Variants in IFNA2 observed in about 807,000 individuals in gnomAD.
The protein encoded by IFNA2 is interferon alpha 2.
For missense variants in IFNA2, 260 were observed against 210.3 expected, an observed-to-expected ratio of 1.24 and a Z score of -1.46; for synonymous variants, 91 against 80.7, an observed-to-expected ratio of 1.13 and a Z score of -0.68.
rs1448556226 is a variant in IFNA2, at chr9:21,384,718, C to T, written c.*45G>A. The T allele has an allele frequency of 6.6e-6, 10 of 1,510,890 alleles. No homozygotes were observed. The highest frequency in any genetic ancestry group is 4.5e-5 in the East Asian group (2 of 44,100). 93.6% of individuals were successfully genotyped at this position (1,510,890 alleles called of 1,614,324 possible). A position where few individuals can be genotyped will look rare whatever the true frequency, so the allele number is the denominator to read the frequency against. On this transcript the variant is annotated 3_prime_UTR_variant, in exon 1 of 1. Transcript: ENST00000380206. ...AAATGGCAGATCATAAAAAGGTGAGCTGGCATACGAATCAATGAAAATCAT... is the reference window on the plus strand; with the variant it reads ...AAATGGCAGATCATAAAAAGGTGAGTTGGCATACGAATCAATGAAAATCAT...
rs116080401 is a variant in IFNA2, at chr9:21,385,229, C to T, written c.101G>A (p.Ser34Asn). The change falls in exon 1 of 1, where the codon AGC becomes AAC. Residue 34 changes from serine to asparagine, a missense_variant. Coordinates refer to ENST00000380206, the MANE Select transcript of IFNA2 (RefSeq NM_000605.4). ...CDLPQTHSLGSRRTLMLLAQM... is the reference protein window; with the variant it reads ...CDLPQTHSLGNRRTLMLLAQM... ...TGCCAGGAGCATCAAGGTCCTCCTG[C>T]TACCCAGGCTGTGGGTTTGAGGCAG... The T allele has an allele frequency of 1.8e-4, 292 of 1,614,028 alleles. 2 individuals are homozygous for T. In the African/African-American group the frequency reaches 3.2e-3, roughly 17 times the overall value.
the IFNA2 span, chr9:21,384,923 TC>T: frequency 6.2e-7 from 1 of 1,614,046 alleles, no homozygotes; most frequent in Non-Finnish European, 8.5e-7. Context: ...AATGGAGTCC[TC>T]CTTCATCAGG....
At position 21,384,652 on chromosome 9, in the gene IFNA2, T is replaced by A; in HGVS notation, c.*111A>T. On this transcript the variant is annotated 3_prime_UTR_variant, in exon 1 of 1. Coordinates refer to ENST00000380206, the MANE Select transcript of IFNA2 (RefSeq NM_000605.4). ...ATACTCCTAAAAACATTTGAAAAGA[T>A]TTAAATCGTGTCATGGTCATAGCAG... 1 of 1,156,054 alleles carries A rather than the reference T, an allele frequency of 8.7e-7. No homozygotes were observed. The highest frequency in any genetic ancestry group is 1.2e-6 in the Non-Finnish European group (1 of 827,786). 71.6% of individuals were successfully genotyped at this position (1,156,054 alleles called of 1,614,324 possible).
rs1389979023 is a variant in IFNA2 at position 21,384,971 on chromosome 9, G to C, written c.359C>G (p.Ala120Gly). 2 of 1,613,816 alleles carry C rather than the reference G, an allele frequency of 1.2e-6. No homozygotes were observed. Among genetic ancestry groups the C allele is most frequent in the South Asian group, 1.1e-5 (1 of 91,080 alleles). Residue 120 changes from alanine (A) to glycine (G), a missense_variant, in exon 1 of 1, where the codon GCC becomes GGC. Physicochemically the swap from Ala to Gly is moderately conservative, Grantham distance 60. Transcript: ENST00000380206. ...CACCCCCACCCCCTGTATCACACAG[G>C]CTTCCAGGTCATTCAGCTGCTGGTA... ...ELYQQLNDLEACVIQGVGVTE... is the reference protein window; with the variant it reads ...ELYQQLNDLEGCVIQGVGVTE...
In IFNA2 at chr9:21,385,273, G is replaced by T; in HGVS notation, c.57C>A (p.Ser19Arg). ...GAGGCAGATCACAGCCCACAGAGCA[G>T]CTTGACTTGCAGCTGAGCACCAGGA... ...VALLVLSCKSSCSVGCDLPQT... is the reference protein window; with the variant it reads ...VALLVLSCKSRCSVGCDLPQT... Residue 19 changes from serine (S) to arginine (R), a missense_variant, in exon 1 of 1, where the codon AGC (serine) becomes AGA (arginine). By Grantham distance (110) the Ser-to-Arg change is moderately radical. Coordinates refer to ENST00000380206, the MANE Select transcript of IFNA2 (RefSeq NM_000605.4). 6.2e-7 allele frequency: 1 copy of T among 1,613,736 alleles called. No individual in the cohort carries two copies. The highest frequency in any genetic ancestry group is 8.5e-7 in the Non-Finnish European group (1 of 1,179,852).
rs766620991 is a variant in IFNA2 at position 21,385,200 on chromosome 9, T to A, written c.130A>T (p.Met44Leu). The A allele has an allele frequency of 6.8e-6, 11 of 1,613,902 alleles. No homozygotes were observed. The Admixed American group carries it at 1.8e-4, about 27-fold the overall frequency. ...CAGGAGAAAAGAGAGATTCTCCTCA[T>A]CTGTGCCAGGAGCATCAAGGTCCTC... ...SRRTLMLLAQ[M>L]RRISLFSCLK... is the part of the protein sequence containing the mutation. Residue 44 changes from methionine (M) to leucine (L), a missense_variant, in exon 1 of 1, where the codon ATG (methionine) becomes TTG (leucine). Physicochemically the swap from Met to Leu is conservative, Grantham distance 15. Transcript: ENST00000380206.
Position 21,385,045 on chromosome 9 carries a change from T to A in IFNA2, c.285A>T (p.Ser95=). The change falls in exon 1 of 1, where the codon TCA becomes TCT. Residue 95 remains serine, a synonymous_variant. Coordinates refer to ENST00000380206, the MANE Select transcript of IFNA2 (RefSeq NM_000605.4). ...GGAGGGTCTCATCCCAAGCAGCAGATGAGTCCTTTGTGCTGAAGAGATTGA... is the reference window on the plus strand; with the variant it reads ...GGAGGGTCTCATCCCAAGCAGCAGAAGAGTCCTTTGTGCTGAAGAGATTGA... ...QIFNLFSTKD[S]SAAWDETLLD... 1 of 1,613,986 alleles carries A rather than the reference T, an allele frequency of 6.2e-7. No homozygotes were observed. Among genetic ancestry groups the A allele is most frequent in the Admixed American group, 1.7e-5 (1 of 59,994 alleles).
Position 21,385,272 on chromosome 9 carries a change from A to G in IFNA2, c.58T>C (p.Cys20Arg), listed in dbSNP as rs1318744264. The change falls in exon 1 of 1, where the codon TGC becomes CGC. Residue 20 changes from cysteine to arginine, a missense_variant. Transcript: ENST00000380206. ...ALLVLSCKSS[C>R]SVGCDLPQTH... ...TGAGGCAGATCACAGCCCACAGAGC[A>G]GCTTGACTTGCAGCTGAGCACCAGG... The G allele has an allele frequency of 1.2e-6, 2 of 1,613,636 alleles. No homozygotes were observed. The highest frequency in any genetic ancestry group is 1.7e-5 in the Admixed American group (1 of 59,908).
At position 21,384,862 on chromosome 9, in the gene IFNA2, C is replaced by A; in HGVS notation, c.468G>T (p.Lys156Asn). ...FQRITLYLKE[K>N]KYSPCAWEVV... ...CCTCCCAGGCACAAGGGCTGTATTT[C>A]TTCTCTTTCAGATAGAGAGTGATTC... The change falls in exon 1 of 1, where the codon AAG becomes AAT. Residue 156 changes from lysine (K) to asparagine (N), a missense_variant. Lys to Asn is a moderately conservative substitution (Grantham distance 94, BLOSUM62 0). Transcript: ENST00000380206. 1.2e-6 allele frequency: 2 copies of A among 1,614,088 alleles called. No homozygotes were observed. The highest frequency in any genetic ancestry group is 1.7e-6 in the Non-Finnish European group (2 of 1,179,946).
In IFNA2 at chr9:21,384,715, G is replaced by A; in HGVS notation, c.*48C>T. ...TTGAAATGGCAGATCATAAAAAGGT[G>A]AGCTGGCATACGAATCAATGAAAAT... On this transcript the variant is annotated 3_prime_UTR_variant, in exon 1 of 1. Coordinates refer to ENST00000380206, the MANE Select transcript of IFNA2 (RefSeq NM_000605.4). The A allele has an allele frequency of 6.7e-7, 1 of 1,501,456 alleles. No homozygotes were observed. The highest frequency in any genetic ancestry group is 9.0e-7 in the Non-Finnish European group (1 of 1,109,852). The allele number at this position is 1,501,456 out of a possible 1,614,324, so 93.0% of individuals were successfully genotyped here. A position where few individuals can be genotyped will look rare whatever the true frequency, so the allele number is the denominator to read the frequency against.
rs766603298 is a variant in IFNA2, at chr9:21,384,749, T to A, written c.*14A>T. On this transcript the variant is annotated 3_prime_UTR_variant, in exon 1 of 1. Coordinates refer to ENST00000380206, the MANE Select transcript of IFNA2 (RefSeq NM_000605.4). ...TACGAATCAATGAAAATCATTTCCA[T>A]GTTGAACCAGTTTTCATTCCTTACT... The A allele has an allele frequency of 6.3e-7, 1 of 1,580,504 alleles. No homozygotes were observed. The highest frequency in any genetic ancestry group is 2.2e-5 in the East Asian group (1 of 44,666).
Position 21,384,881 on chromosome 9 carries a change from G to T in IFNA2, c.449C>A (p.Thr150Asn). 6.2e-7 allele frequency: 1 copy of T among 1,614,078 alleles called. No individual in the cohort carries two copies. The highest frequency in any genetic ancestry group is 8.5e-7 in the Non-Finnish European group (1 of 1,179,960). ...GTATTTCTTCTCTTTCAGATAGAGA[G>T]TGATTCTTTGGAAGTATTTCCTCAC... ...LAVRKYFQRI[T>N]LYLKEKKYSP... The change falls in exon 1 of 1, where the codon ACT (threonine) becomes AAT (asparagine). Residue 150 changes from threonine to asparagine, a missense_variant. Physicochemically the swap from Thr to Asn is moderately conservative, Grantham distance 65. Coordinates refer to ENST00000380206, the MANE Select transcript of IFNA2 (RefSeq NM_000605.4).
Position 21,385,054 on chromosome 9 carries a change from T to C in IFNA2, c.276A>G (p.Thr92=), listed in dbSNP as rs961900263. The C allele has an allele frequency of 6.2e-7, 1 of 1,613,876 alleles. No homozygotes were observed. Among genetic ancestry groups the C allele is most frequent in the Non-Finnish European group, 8.5e-7 (1 of 1,179,960 alleles). ...MIQQIFNLFS[T]KDSSAAWDET... is the part of the protein sequence containing the mutation. ...CATCCCAAGCAGCAGATGAGTCCTT[T>C]GTGCTGAAGAGATTGAAGATCTGCT... Residue 92 remains threonine (T), a synonymous_variant, in exon 1 of 1, where the codon ACA becomes ACG. Coordinates refer to ENST00000380206, the MANE Select transcript of IFNA2 (RefSeq NM_000605.4).
Position 21,384,592 on chromosome 9 carries a change from A to G in IFNA2, c.*171T>C, listed in dbSNP as rs1207683063. ...CAGTCAGCATGGTCCTCTGTAAGGGACTAGTGCCTTAAGAGCTGAATACAA... is the reference window on the plus strand; with the variant it reads ...CAGTCAGCATGGTCCTCTGTAAGGGGCTAGTGCCTTAAGAGCTGAATACAA... On this transcript the variant is annotated 3_prime_UTR_variant, in exon 1 of 1. Transcript: ENST00000380206. 1.2e-5 allele frequency: 6 copies of G among 521,018 alleles called. No individual in the cohort carries two copies. Among genetic ancestry groups the G allele is most frequent in the Non-Finnish European group, 1.6e-5 (5 of 307,410 alleles). The allele number at this position is 521,018 out of a possible 1,614,324, so 32.3% of individuals were successfully genotyped here.
chr9:21,385,231 AC>A, the IFNA2 span: 3 of 1,613,886 alleles, frequency 1.9e-6, no homozygotes, highest in African/African-American at 1.3e-5. Context: ...TCCTCCTGCT[AC>A]CCAGGCTGTG....
In IFNA2 at chr9:21,384,946, C is replaced by T; in HGVS notation, c.384G>A (p.Val128=). 1.2e-6 allele frequency: 2 copies of T among 1,613,928 alleles called. No individual in the cohort carries two copies. Among genetic ancestry groups the T allele is most frequent in the Non-Finnish European group, 1.7e-6 (2 of 1,179,958 alleles). The part of the protein sequence containing the change: ...LEACVIQGVG[V]TETPLMKEDS... Reference sequence around the variant, plus strand: ...CCTCCTTCATCAGGGGAGTCTCTGTCACCCCCACCCCCTGTATCACACAGG... The same window carrying T: ...CCTCCTTCATCAGGGGAGTCTCTGTTACCCCCACCCCCTGTATCACACAGG... Residue 128 remains valine (V), a synonymous_variant, in exon 1 of 1, where the codon GTG becomes GTA. Coordinates refer to ENST00000380206, the MANE Select transcript of IFNA2 (RefSeq NM_000605.4).
In IFNA2 at chr9:21,384,787, T is replaced by C. The variant is rs781019251; in HGVS notation, c.543A>G (p.Gln181=). 6 of 1,610,464 alleles carry C rather than the reference T, an allele frequency of 3.7e-6. No individual in the cohort carries two copies. The South Asian group carries it at 6.6e-5, about 18-fold the overall frequency. ...MRSFSLSTNL[Q]ESLRSKE ...TTCATTCCTTACTTCTTAAACTTTC[T>C]TGCAAGTTTGTTGACAAAGAAAAAG... Residue 181 remains glutamine, a synonymous_variant, in exon 1 of 1, where the codon CAA becomes CAG. Transcript: ENST00000380206.
At chr9:21,384,789 G>A in the IFNA2 span, 2 of 1,610,142 alleles carry the variant, frequency 1.2e-6, no homozygotes, top group Admixed American at 3.4e-5. Flanking sequence ...AAACTTTCTT[G>A]CAAGTTTGTT....
rs766603298 is a variant in IFNA2, at chr9:21,384,749, T to C, written c.*14A>G. ...TACGAATCAATGAAAATCATTTCCATGTTGAACCAGTTTTCATTCCTTACT... is the reference window on the plus strand; with the variant it reads ...TACGAATCAATGAAAATCATTTCCACGTTGAACCAGTTTTCATTCCTTACT... On this transcript the variant is annotated 3_prime_UTR_variant, in exon 1 of 1. Coordinates refer to ENST00000380206, the MANE Select transcript of IFNA2 (RefSeq NM_000605.4). The C allele has an allele frequency of 1.9e-6, 3 of 1,580,504 alleles. No individual in the cohort carries two copies. Among genetic ancestry groups the C allele is most frequent in the Middle Eastern group, 1.7e-4 (1 of 5,878 alleles).
Sources: allele counts gnomAD v4.1 joint callset, GRCh38; gene constraint gnomAD v4.1.1; transcripts MANE v1.5; gene names NCBI Gene and HGNC (gene_info 2026-07-23, HGNC 2026-07-21).